Variants in SCOC observed in about 807,000 individuals in gnomAD.
The protein encoded by SCOC is short coiled coil protein.
In SCOC, 7 loss-of-function variants were observed where a neutral mutation model predicts 9.9. The observed-to-expected ratio is 0.71, with a 90% CI of 0.40 to 1.33. The LOEUF (loss-of-function observed/expected upper bound fraction) is 1.33. SCOC is among the 40% of genes most tolerant of loss of function. The probability of loss-of-function intolerance (pLI) is 0.01; values close to 1 mark genes in which losing one functional copy is unlikely to be tolerated. For missense variants in SCOC, 66 were observed against 89.7 expected, an observed-to-expected ratio of 0.74 and a Z score of 1.07; for synonymous variants, 19 against 28.2, an observed-to-expected ratio of 0.67 and a Z score of 1.03.
At chr4:140,290,239 T>C (rs1030782332) in intron 1 of SCOC, among the ~76,000 whole-genome samples, 2 of 152,236 alleles carry the variant, frequency 1.3e-5, no homozygotes, top group African/African-American at 4.8e-5. Context: ...CCAGCAGCCA[T>C]ACAACAGTGT....
upstream of SCOC, among the ~76,000 whole-genome samples, chr4:140,339,957 A>T (rs1269931228): frequency 6.6e-6 from 1 of 152,226 alleles, no homozygotes; most frequent in Non-Finnish European, 1.5e-5. Flanking sequence ...CTGGGTATAT[A>T]CCCAAAGGAT....
At chr4:140,291,396 C>T (rs1357307769) in intron 1 of SCOC, 2 of 456,872 alleles carry the variant, frequency 4.4e-6, no homozygotes, top group Non-Finnish European at 8.8e-6. Context: ...TTACCTTCTG[C>T]AGGGCATGTG....
At chr4:140,328,342 G>C (rs1732711212) in intron 1 of SCOC, among the ~76,000 whole-genome samples, 1 of 152,106 alleles carries the variant, frequency 6.6e-6, no homozygotes, top group Admixed American at 6.6e-5. Context: ...AATAGAATTG[G>C]AAAATTGTTC....
chr4:140,353,124 G>A (rs1578845641), intron 2 of SCOC, among the ~76,000 whole-genome samples: 1 of 152,220 alleles, frequency 6.6e-6, no homozygotes, highest in East Asian at 1.9e-4. Context: ...TCAAAGCCTG[G>A]TTTCCTTAGA....
At chr4:140,322,883 C>A (rs373724123) in intron 1 of SCOC, among the ~76,000 whole-genome samples, 5 of 152,072 alleles carry the variant, frequency 3.3e-5, no homozygotes, top group African/African-American at 1.2e-4. Context: ...AGAGAATGGC[C>A]CCGAAGGCAT....
chr4:140,266,533 T>C (rs1730731242), intron 1 of SCOC, among the ~76,000 whole-genome samples: 1 of 152,136 alleles, frequency 6.6e-6, no homozygotes, highest in Non-Finnish European at 1.5e-5. Context: ...CTCCATTTCC[T>C]AATGCCATCA....
chr4:140,373,936 G>A, intron 1 of SCOC: 5 of 695,408 alleles, frequency 7.2e-6, no homozygotes, highest in Middle Eastern at 2.4e-4. Context: ...TTCGTTGTCA[G>A]GCCCAGGCGT....
At chr4:140,272,347 G>A (rs942719370) in intron 1 of SCOC, among the ~76,000 whole-genome samples, 2 of 152,068 alleles carry the variant, frequency 1.3e-5, no homozygotes, top group Middle Eastern at 3.4e-3. Flanking sequence ...TAGCCACTGC[G>A]CCCAGCCTGT....
chr4:140,368,249 T>C (rs1727888679), intron 2 of SCOC, among the ~76,000 whole-genome samples: 2 of 152,196 alleles, frequency 1.3e-5, no homozygotes, highest in African/African-American at 4.8e-5. Flanking sequence ...TCTGAACCAA[T>C]CATATACCTA....
rs143557768 is a variant in SCOC, at chr4:140,330,615, A to G, written c.-18-13006A>G. 3.1e-3 allele frequency among the ~76,000 whole-genome samples: 478 copies of G among 152,328 alleles called. 2 individuals carry two copies. The highest frequency in any genetic ancestry group is 0.011 in the African/African-American group (455 of 41,582). ...AGAGTTGAGACATAAGCAAGTATCA[A>G]TTGCTTGGTTCAAGGAAGGCATGTG... is the stretch of plus-strand genomic sequence containing the variant. On this transcript the variant is annotated intron_variant, in intron 1 of 4. Transcript: ENST00000394205.
At chr4:140,297,459 A>C (rs1352406468) in intron 1 of SCOC, among the ~76,000 whole-genome samples, 1 of 152,098 alleles carries the variant, frequency 6.6e-6, no homozygotes, top group Non-Finnish European at 1.5e-5. Context: ...AGGTAGACAA[A>C]GTTTGTGTTC....
At chr4:140,357,633 A>G (rs1727286215) in intron 2 of SCOC, among the ~76,000 whole-genome samples, 1 of 152,204 alleles carries the variant, frequency 6.6e-6, no homozygotes, top group Admixed American at 6.5e-5. Flanking sequence ...AGGTGTTTAT[A>G]AACCAAACAT....
chr4:140,313,454 A>AT (rs1732214647), intron 1 of SCOC, among the ~76,000 whole-genome samples: 1 of 151,990 alleles, frequency 6.6e-6, no homozygotes, highest in Admixed American at 6.6e-5. Context: ...GTTTCATCAC[A>AT]TTGGTCAGGC....
intron 2 of SCOC, among the ~76,000 whole-genome samples, chr4:140,353,559 C>T (rs746309979): frequency 2.0e-5 from 3 of 152,010 alleles, no homozygotes; most frequent in Non-Finnish European, 2.9e-5. Context: ...TATGGGTGCA[C>T]GCCACCACGC....
chr4:140,300,003 C>A (rs1731767069), intron 1 of SCOC, among the ~76,000 whole-genome samples: 1 of 152,096 alleles, frequency 6.6e-6, no homozygotes, highest in Non-Finnish European at 1.5e-5. Context: ...TCTTATAGGC[C>A]CAGCTTTGAG....
chr4:140,292,832 G>C (rs1391286006), intron 1 of SCOC, among the ~76,000 whole-genome samples: 7 of 152,148 alleles, frequency 4.6e-5, no homozygotes, highest in African/African-American at 1.7e-4. Context: ...AGTTTTTAGG[G>C]TCTCATGTTT....
chr4:140,288,196 A>G (rs1418041162), intron 1 of SCOC, among the ~76,000 whole-genome samples: 1 of 151,982 alleles, frequency 6.6e-6, no homozygotes, highest in Non-Finnish European at 1.5e-5. Flanking sequence ...AATGACCTAC[A>G]CCACACATCA....
intron 1 of SCOC, among the ~76,000 whole-genome samples, chr4:140,302,431 A>G (rs554259494): frequency 3.3e-5 from 5 of 152,338 alleles, no homozygotes; most frequent in African/African-American, 1.2e-4. Context: ...CTTACCTTCA[A>G]AGAAGAGTTG....
At chr4:140,334,990 G>C (rs925705466) in intron 1 of SCOC, among the ~76,000 whole-genome samples, 1 of 151,980 alleles carries the variant, frequency 6.6e-6, no homozygotes, top group Non-Finnish European at 1.5e-5. Flanking sequence ...GCAACAACAC[G>C]GATGAATCTT....
Sources: allele counts gnomAD v4.1 joint callset (sites outside exome capture counted in the v4.1 genomes callset), GRCh38; gene constraint gnomAD v4.1.1; transcripts MANE v1.5; gene names NCBI Gene and HGNC (gene_info 2026-07-23, HGNC 2026-07-21).